MATCAP2: variants seen among roughly 807,000 people sequenced by gnomAD.
MATCAP2 encodes microtubule associated tyrosine carboxypeptidase 2, also known as putative tyrosine carboxypeptidase MATCAP2.
chr7:36,381,417 T>C, the MATCAP2 span, among the ~76,000 whole-genome samples: 1 of 152,056 alleles, frequency 6.6e-6, no homozygotes, highest in Non-Finnish European at 1.5e-5. Flanking sequence ...ATGCCTGTAA[T>C]CCCATCACTT....
At chr7:36,350,532 CT>C in the MATCAP2 span, among the ~76,000 whole-genome samples, 103,136 of 117,648 alleles carry the variant, frequency 0.88, 44,860 homozygotes, top group Non-Finnish European at 0.91. Context: ...GACTGTGTTC[CT>C]TTTTTTTTTT....
the MATCAP2 span, among the ~76,000 whole-genome samples, chr7:36,369,259 A>G: frequency 2.0e-5 from 3 of 152,252 alleles, no homozygotes; most frequent in East Asian, 1.9e-4. Context: ...CAAATGGACC[A>G]ATAGACGAAG....
the MATCAP2 span, chr7:36,335,301 C>T: frequency 1.1e-6 from 1 of 889,968 alleles, no homozygotes; most frequent in African/African-American, 1.7e-5. Flanking sequence ...CACCTTAAAT[C>T]TCCCAGAAAC....
At chr7:36,357,352 T>C in the MATCAP2 span, 1 of 1,614,030 alleles carries the variant, frequency 6.2e-7, no homozygotes, top group South Asian at 1.1e-5. Flanking sequence ...TGTTAGGAGA[T>C]TTGCTGGGTT....
the MATCAP2 span, among the ~76,000 whole-genome samples, chr7:36,360,689 T>C: frequency 1.3e-5 from 2 of 152,190 alleles, no homozygotes; most frequent in Non-Finnish European, 2.9e-5. Flanking sequence ...AAGAGATTGT[T>C]TTTGTAATTT....
the MATCAP2 span, among the ~76,000 whole-genome samples, chr7:36,329,023 CAA>C: frequency 1.3e-5 from 2 of 151,960 alleles, no homozygotes; most frequent in African/African-American, 2.4e-5. Flanking sequence ...GCCTGAGCAA[CAA>C]GAGCAAAAAC....
chr7:36,388,737 T>A, the MATCAP2 span, among the ~76,000 whole-genome samples: 1 of 152,210 alleles, frequency 6.6e-6, no homozygotes, highest in Admixed American at 6.5e-5. Context: ...GAACAGGGTT[T>A]TCATTTCTTT....
At chr7:36,361,777 A>G in the MATCAP2 span, among the ~76,000 whole-genome samples, 1 of 152,212 alleles carries the variant, frequency 6.6e-6, no homozygotes, top group Non-Finnish European at 1.5e-5. Flanking sequence ...CAGTATCAAC[A>G]GTAGAAAGGA....
At chr7:36,353,351 C>G in the MATCAP2 span, among the ~76,000 whole-genome samples, 1 of 152,118 alleles carries the variant, frequency 6.6e-6, no homozygotes, top group East Asian at 1.9e-4. Context: ...ATGTAATCTT[C>G]TGAGAGTAAG....
At chr7:36,342,718 A>G in the MATCAP2 span, among the ~76,000 whole-genome samples, 90,294 of 151,508 alleles carry the variant, frequency 0.6, 27,124 homozygotes, top group Non-Finnish European at 0.64. Flanking sequence ...TCCACCTCCC[A>G]GGTTCAAGCG....
chr7:36,356,949 T>C, the MATCAP2 span: 2 of 1,614,254 alleles, frequency 1.2e-6, no homozygotes, highest in Admixed American at 3.3e-5. Flanking sequence ...GCTAATACGC[T>C]TGGCAGAGCA....
chr7:36,333,766 T>G, the MATCAP2 span: 1 of 1,123,896 alleles, frequency 8.9e-7, no homozygotes, highest in Non-Finnish European at 1.3e-6. Context: ...TTTAAGTAAG[T>G]GAATTTTGTG....
chr7:36,370,072 T>G, the MATCAP2 span, among the ~76,000 whole-genome samples: 2 of 152,262 alleles, frequency 1.3e-5, no homozygotes, highest in Middle Eastern at 3.2e-3. Flanking sequence ...GCACTCTTGC[T>G]AACAAATTCA....
chr7:36,378,623 C>T, the MATCAP2 span, among the ~76,000 whole-genome samples: 5 of 152,214 alleles, frequency 3.3e-5, no homozygotes, highest in Non-Finnish European at 4.4e-5. Flanking sequence ...AACCACTGCT[C>T]TCTTCAGAGC....
the MATCAP2 span, chr7:36,366,694 A>T: frequency 3.9e-6 from 6 of 1,534,476 alleles, no homozygotes; most frequent in South Asian, 7.1e-5. Flanking sequence ...ATTCCACAGC[A>T]GGTACTTACT....
At chr7:36,384,283 T>C in the MATCAP2 span, among the ~76,000 whole-genome samples, 1 of 152,200 alleles carries the variant, frequency 6.6e-6, no homozygotes, top group African/African-American at 2.4e-5. Flanking sequence ...CTTCAGACTC[T>C]TGGTTCTATT....
At chr7:36,346,772 C>CT in the MATCAP2 span, among the ~76,000 whole-genome samples, 1 of 152,068 alleles carries the variant, frequency 6.6e-6, no homozygotes, top group Admixed American at 6.5e-5. Flanking sequence ...TTTTATTTTA[C>CT]TTTTTTGAGA....
chr7:36,366,904 C>A, the MATCAP2 span: 1 of 1,462,376 alleles, frequency 6.8e-7, no homozygotes, highest in Admixed American at 2.7e-5. Context: ...GCCAGCCCTT[C>A]CCGGCACTCA....
chr7:36,348,028 A>G, the MATCAP2 span, among the ~76,000 whole-genome samples: 1 of 152,192 alleles, frequency 6.6e-6, no homozygotes, highest in South Asian at 2.1e-4. Context: ...TTATGATACT[A>G]TGTGTGGTGA....
Sources: allele counts gnomAD v4.1 joint callset (sites outside exome capture counted in the v4.1 genomes callset), GRCh38; gene constraint gnomAD v4.1.1; transcripts MANE v1.5; gene names NCBI Gene and HGNC (gene_info 2026-07-23, HGNC 2026-07-21).